Variants in SEMA3A observed in about 807,000 individuals in gnomAD.
SEMA3A encodes semaphorin 3A, also known as semaphorin-3A.
A neutral mutation model predicts 97.9 loss-of-function variants in SEMA3A; 29 were observed. The ratio of observed to expected loss-of-function variants is 0.30; its 90% CI spans 0.22 to 0.40. SEMA3A has a LOEUF of 0.40. Among genes scored for constraint, SEMA3A ranks in the 10% least tolerant of loss-of-function variants. The pLI is 1.00. For synonymous variants in SEMA3A, 321 were observed against 323.7 expected (o/e 0.99, Z 0.09); for missense variants, 763 against 951.3 (o/e 0.80, Z 2.60).
chr7:84,094,374 C>A (rs962143991), intron 4 of SEMA3A, among the ~76,000 whole-genome samples: 6 of 151,564 alleles, frequency 4.0e-5, no homozygotes, highest in Non-Finnish European at 8.8e-5. Context: ...CTTAAACAGG[C>A]TCTGCTTTCC....
At chr7:83,968,050 T>C (rs1390568014) in intron 15 of SEMA3A, among the ~76,000 whole-genome samples, 1 of 152,186 alleles carries the variant, frequency 6.6e-6, no homozygotes, top group African/African-American at 2.4e-5. Flanking sequence ...GCCGTACATA[T>C]AAATGGCAGC....
At chr7:84,107,166 C>T (rs1047783044) in intron 4 of SEMA3A, among the ~76,000 whole-genome samples, 5 of 152,144 alleles carry the variant, frequency 3.3e-5, no homozygotes, top group African/African-American at 1.2e-4. Flanking sequence ...TCTCACTCTC[C>T]CGATCTATTA....
chr7:84,129,766 G>GTATA (rs781664507), intron 2 of SEMA3A, among the ~76,000 whole-genome samples: 3 of 151,086 alleles, frequency 2.0e-5, no homozygotes, highest in Non-Finnish European at 2.9e-5. Flanking sequence ...AAGTAGCATG[G>GTATA]TATATGTTAG....
At chr7:84,009,003 G>A (rs757367955) in intron 9 of SEMA3A, among the ~76,000 whole-genome samples, 19 of 152,146 alleles carry the variant, frequency 1.2e-4, no homozygotes, top group Non-Finnish European at 2.4e-4. Context: ...GTAGCTATTA[G>A]GACTCACATA....
chr7:84,148,026 C>T (rs1796515158), intron 1 of SEMA3A, among the ~76,000 whole-genome samples: 1 of 150,826 alleles, frequency 6.6e-6, no homozygotes, highest in Admixed American at 6.6e-5. Context: ...TCTCATGCCT[C>T]GGCCTCCTGA....
chr7:84,112,827 A>G (rs1192790321), intron 3 of SEMA3A, among the ~76,000 whole-genome samples: 2 of 152,236 alleles, frequency 1.3e-5, no homozygotes, highest in Non-Finnish European at 2.9e-5. Context: ...TAATATGACA[A>G]CAATTCCCCT....
intron 6 of SEMA3A, among the ~76,000 whole-genome samples, chr7:84,022,562 T>C (rs1791368813): frequency 6.6e-6 from 1 of 152,242 alleles, no homozygotes; most frequent in African/African-American, 2.4e-5. Flanking sequence ...TTATCTACTC[T>C]GTTCACAAAA....
intron 1 of SEMA3A, among the ~76,000 whole-genome samples, chr7:84,141,908 C>A (rs572130844): frequency 6.6e-6 from 1 of 151,982 alleles, no homozygotes; most frequent in Admixed American, 6.6e-5. Context: ...GTATATGTAC[C>A]GAATCAAAGA....
chr7:84,468,400 C>T (rs1028096272), intron 1 of SEMA3A, among the ~76,000 whole-genome samples: 2 of 152,252 alleles, frequency 1.3e-5, no homozygotes, highest in Non-Finnish European at 2.9e-5. Flanking sequence ...TAACTACACT[C>T]CATAGCAGGT....
In SEMA3A at chr7:84,337,203, T is replaced by C. The variant is rs373578473; in HGVS notation, c.-168-29911A>G. ...ACACAGCATTAATAAATTTTATTTA[T>C]TTTTAACAATAATTCATTGTTATTT... On this transcript the variant is annotated intron_variant, in intron 2 of 3. Transcript: ENST00000424555. Among the ~76,000 whole-genome samples, 10 of 152,294 alleles carry C rather than the reference T, an allele frequency of 6.6e-5. 2 individuals carry two copies. Among genetic ancestry groups the C allele is most frequent in the Admixed American group, 6.5e-5 (1 of 15,278 alleles).
intron 1 of SEMA3A, among the ~76,000 whole-genome samples, chr7:84,181,031 C>A (rs1435380060): frequency 6.6e-6 from 1 of 151,972 alleles, no homozygotes; most frequent in Non-Finnish European, 1.5e-5. Flanking sequence ...TGATTTCAGT[C>A]TAACAAAATA....
chr7:84,239,806 T>A (rs943889187), intron 3 of SEMA3A, among the ~76,000 whole-genome samples: 8 of 152,134 alleles, frequency 5.3e-5, no homozygotes, highest in African/African-American at 1.9e-4. Context: ...TATAGATGCA[T>A]ACACATTTAT....
intron 2 of SEMA3A, among the ~76,000 whole-genome samples, chr7:84,349,813 T>G (rs1007466944): frequency 6.6e-6 from 1 of 152,184 alleles, no homozygotes; most frequent in Non-Finnish European, 1.5e-5. Flanking sequence ...GTCTTTTTTT[T>G]CCACTTTTTC....
chr7:84,423,172 G>A (rs551050594), intron 1 of SEMA3A, among the ~76,000 whole-genome samples: 11 of 151,886 alleles, frequency 7.2e-5, no homozygotes, highest in Non-Finnish European at 1.2e-4. Flanking sequence ...TATCAAATAA[G>A]TACAATGTAA....
At chr7:84,031,728 C>T (rs1165360720) in intron 6 of SEMA3A, among the ~76,000 whole-genome samples, 5 of 151,804 alleles carry the variant, frequency 3.3e-5, no homozygotes, top group South Asian at 4.2e-4. Flanking sequence ...CTCAGCTACT[C>T]GGGAGGCTGA....
chr7:83,977,079 A>G, intron 15 of SEMA3A, 53 bp downstream of exon 15: 1 of 1,078,092 alleles, frequency 9.3e-7, no homozygotes, highest in East Asian at 2.6e-5. Context: ...AATATGCATT[A>G]TTATGATTTT....
At chr7:84,344,683 T>C (rs1197333384) in intron 2 of SEMA3A, among the ~76,000 whole-genome samples, 1 of 151,986 alleles carries the variant, frequency 6.6e-6, no homozygotes, top group Non-Finnish European at 1.5e-5. Context: ...ACTGATCTAC[T>C]CAGGCGTGAG....
At chr7:84,450,631 G>C (rs530592036) in intron 1 of SEMA3A, among the ~76,000 whole-genome samples, 2 of 152,264 alleles carry the variant, frequency 1.3e-5, no homozygotes, top group East Asian at 1.9e-4. Context: ...CTGCCTATTT[G>C]TAAGTAGTAA....
chr7:84,138,605 T>C (rs1209415993), intron 1 of SEMA3A, among the ~76,000 whole-genome samples: 1 of 152,120 alleles, frequency 6.6e-6, no homozygotes, highest in Non-Finnish European at 1.5e-5. Flanking sequence ...AAACTGTTAC[T>C]TCTCAACAGT....
Sources: allele counts gnomAD v4.1 joint callset (sites outside exome capture counted in the v4.1 genomes callset), GRCh38; gene constraint gnomAD v4.1.1; transcripts MANE v1.5; gene names NCBI Gene and HGNC (gene_info 2026-07-23, HGNC 2026-07-21).